Variants in SETD7 observed in about 807,000 individuals in gnomAD.
The protein encoded by SETD7 is histone-lysine N-methyltransferase SETD7.
In SETD7, 16 loss-of-function variants were observed where a neutral mutation model predicts 41.8. The ratio of observed to expected loss-of-function variants is 0.38; its 90% CI spans 0.26 to 0.58. SETD7 has a LOEUF of 0.58. SETD7 is among the 20% of genes least tolerant of loss of function. The pLI, the probability that SETD7 is intolerant of heterozygous loss-of-function variation, is 0.64. For synonymous variants in SETD7, 163 were observed against 169.7 expected (o/e 0.96, Z 0.31); for missense variants, 346 against 459.7 (o/e 0.75, Z 2.26).
rs752668012 is a variant in SETD7, at chr4:139,511,711, C to T, written c.1053G>A (p.Glu351=). ...PPGKSGPEAP[E]WYQVELKAFQ... ...AGGCCTTCAGCTCCACCTGGTACCA[C>T]TCAGGGGCTTCAGGCCCACTCTTCC... The change falls in exon 8 of 8, where the codon GAG becomes GAA. Residue 351 remains glutamate (E), a synonymous_variant. Transcript: ENST00000274031. The T allele has an allele frequency of 4.3e-6, 7 of 1,614,146 alleles. No homozygotes were observed. Among genetic ancestry groups the T allele is most frequent in the Non-Finnish European group, 5.1e-6 (6 of 1,180,020 alleles).
intron 1 of SETD7, among the ~76,000 whole-genome samples, chr4:139,553,829 T>G (rs999448387): frequency 2.0e-5 from 3 of 152,240 alleles, no homozygotes; most frequent in African/African-American, 7.2e-5. Context: ...CACTAAGATA[T>G]TCAGACTAGC....
In SETD7 at chr4:139,509,219, A is replaced by G. The variant is rs1015854612; in HGVS notation, c.*2444T>C. ...GGAAAGAGAGCCGGCCAGAGAAAGA[A>G]GAGCTGGAAGACACAGAGAGTATGA... On this transcript the variant is annotated 3_prime_UTR_variant, in exon 8 of 8. Transcript: ENST00000274031. 1 of 152,554 alleles carries G rather than the reference A, an allele frequency of 6.6e-6. No homozygotes were observed. The highest frequency in any genetic ancestry group is 1.5e-5 in the Non-Finnish European group (1 of 68,306). 9.5% of individuals were successfully genotyped at this position (152,554 alleles called of 1,614,324 possible). A position where few individuals can be genotyped will look rare whatever the true frequency, so the allele number is the denominator to read the frequency against.
downstream of SETD7, among the ~76,000 whole-genome samples, chr4:139,493,359 C>T (rs1044504350): frequency 4.6e-5 from 7 of 152,054 alleles, no homozygotes; most frequent in Admixed American, 2.6e-4. Context: ...TCCAGGAAAA[C>T]GCTTGGCAAG....
At chr4:139,521,661 G>T (rs190198500) in intron 5 of SETD7, among the ~76,000 whole-genome samples, 83 of 152,298 alleles carry the variant, frequency 5.4e-4, no homozygotes, top group Non-Finnish European at 4.4e-4. Flanking sequence ...CTCAGGGTGG[G>T]TGGAGGATAC....
chr4:139,512,073 C>T (rs895542616), intron 7 of SETD7, among the ~76,000 whole-genome samples: 2 of 152,212 alleles, frequency 1.3e-5, no homozygotes, highest in African/African-American at 4.8e-5. Flanking sequence ...TTTAGCGACA[C>T]CCCCAGGCGA....
rs560576489 is a variant in SETD7 at position 139,499,553 on chromosome 4, A to AC, written c.921-3033dup. ...CCCAGAGATGCCACCTGGTCCCAAG[A>AC]CCCCCCCTCCCAGGAACTGATTCAG... On this transcript the variant is annotated intron_variant, in intron 7 of 7. Coordinates refer to the SETD7 transcript ENST00000506866. 1.3e-3 allele frequency among the ~76,000 whole-genome samples: 190 copies of AC among 151,172 alleles called. 1 individual carries two copies. Among genetic ancestry groups the AC allele is most frequent in the African/African-American group, 2.7e-3 (110 of 41,122 alleles).
At chr4:139,550,210 C>T (rs371367660) in intron 1 of SETD7, among the ~76,000 whole-genome samples, 6 of 152,240 alleles carry the variant, frequency 3.9e-5, no homozygotes, top group African/African-American at 1.4e-4. Context: ...AAGAGGAGCC[C>T]TATCATCATC....
Position 139,546,394 on chromosome 4 carries a change from C to T in SETD7, c.170+526G>A, listed in dbSNP as rs2725775. The T allele has an allele frequency of 5.0e-3, 1,085 of 218,620 alleles. 17 individuals carry two copies. Among genetic ancestry groups the T allele is most frequent in the African/African-American group, 0.023 (965 of 42,244 alleles). 13.5% of individuals were successfully genotyped at this position (218,620 alleles called of 1,614,324 possible). A position where few individuals can be genotyped will look rare whatever the true frequency, so the allele number is the denominator to read the frequency against. On this transcript the variant is annotated intron_variant, in intron 2 of 7. Coordinates refer to ENST00000274031, the MANE Select transcript of SETD7 (RefSeq NM_030648.4). ...GAGGAGAGGCAACAAGCTGAGAAACCGATGAAGCAGAAGAACCAACAAGGT... is the reference window on the plus strand; with the variant it reads ...GAGGAGAGGCAACAAGCTGAGAAACTGATGAAGCAGAAGAACCAACAAGGT...
chr4:139,502,456 C>A (rs1560670949), downstream of SETD7, among the ~76,000 whole-genome samples: 1 of 152,196 alleles, frequency 6.6e-6, no homozygotes, highest in Non-Finnish European at 1.5e-5. Flanking sequence ...CTGTGGCTCT[C>A]TGGGAGAAAG....
intron 4 of SETD7, 101 bp downstream of exon 4, chr4:139,528,930 G>A (rs903277496): frequency 2.1e-5 from 22 of 1,027,508 alleles, no homozygotes; most frequent in Admixed American, 7.0e-5. Context: ...CACGATTAAA[G>A]AGAACTATAC....
At chr4:139,528,026 C>A (rs1004547250) in intron 4 of SETD7, among the ~76,000 whole-genome samples, 3 of 152,122 alleles carry the variant, frequency 2.0e-5, no homozygotes. Flanking sequence ...ATTGTCTTTT[C>A]TGTTTTTTTC....
intron 2 of SETD7, among the ~76,000 whole-genome samples, chr4:139,533,602 T>G (rs930623003): frequency 6.6e-6 from 1 of 152,182 alleles, no homozygotes; most frequent in African/African-American, 2.4e-5. Flanking sequence ...ATCCTTTTAC[T>G]CTGCTGGAGA....
chr4:139,534,231 T>C (rs922476890), intron 2 of SETD7, among the ~76,000 whole-genome samples: 3 of 152,152 alleles, frequency 2.0e-5, no homozygotes, highest in South Asian at 4.1e-4. Flanking sequence ...AAAGGCCCTA[T>C]GCAATGAAAC....
chr4:139,543,798 C>CAAAAAAAAAAAAAAAAA (rs1182628309), intron 2 of SETD7, among the ~76,000 whole-genome samples: 7 of 119,824 alleles, frequency 5.8e-5, no homozygotes, highest in East Asian at 4.9e-4. Flanking sequence ...TAAAAAAATA[C>CAAAAAAAAAAAAAAAAA]AAAAAAAAAA....
chr4:139,546,387 G>A, intron 2 of SETD7: 1 of 220,228 alleles, frequency 4.5e-6, no homozygotes, highest in Non-Finnish European at 9.1e-6. Context: ...GCAACAAGCT[G>A]AGAAACCGAT....
intron 2 of SETD7, among the ~76,000 whole-genome samples, chr4:139,534,068 A>T (rs1479303325): frequency 6.6e-6 from 1 of 152,170 alleles, no homozygotes; most frequent in Non-Finnish European, 1.5e-5. Context: ...CACCCTGCTG[A>T]TATCATTAGC....
chr4:139,555,365 C>T lies in SETD7; in HGVS notation c.40+733G>A, dbSNP rs1391012292. On this transcript the variant is annotated intron_variant, in intron 1 of 7. Transcript: ENST00000274031. The surrounding 1 kb of genome is among the most constrained non-coding windows in gnomAD (Gnocchi z 4.0). Reference sequence around the variant, plus strand: ...CAGCAATCTCGGTGCGGACTCGCGGCGCGCCTGCACAGCGTGGCGGCTGCA... The same window carrying T: ...CAGCAATCTCGGTGCGGACTCGCGGTGCGCCTGCACAGCGTGGCGGCTGCA... Among the ~76,000 whole-genome samples, 1 of 151,426 alleles carries T rather than the reference C, an allele frequency of 6.6e-6. No individual in the cohort carries two copies. The highest frequency in any genetic ancestry group is 6.6e-5 in the Admixed American group (1 of 15,218).
downstream of SETD7, among the ~76,000 whole-genome samples, chr4:139,505,297 A>C (rs1321546463): frequency 6.6e-6 from 1 of 152,150 alleles, no homozygotes. Flanking sequence ...GTGCTTTACA[A>C]ATGTTGACTG....
chr4:139,554,552 G>A lies in SETD7; in HGVS notation c.40+1546C>T, dbSNP rs1463616559. Among the ~76,000 whole-genome samples the A allele has an allele frequency of 2.6e-5, 4 of 152,186 alleles. No individual in the cohort carries two copies. The East Asian group carries it at 7.7e-4, about 29-fold the overall frequency. ...GAAGTCAACAACTTTTAACTTCTCAGAAGGCTCCCTGTGGATCAACTCAAT... is the reference window on the plus strand; with the variant it reads ...GAAGTCAACAACTTTTAACTTCTCAAAAGGCTCCCTGTGGATCAACTCAAT... On this transcript the variant is annotated intron_variant, in intron 1 of 7. Coordinates refer to ENST00000274031, the MANE Select transcript of SETD7 (RefSeq NM_030648.4).
Sources: allele counts gnomAD v4.1 joint callset (sites outside exome capture counted in the v4.1 genomes callset), GRCh38; gene constraint gnomAD v4.1.1; non-coding constraint Gnocchi (gnomAD v3.1); transcripts MANE v1.5; gene names NCBI Gene and HGNC (gene_info 2026-07-23, HGNC 2026-07-21).